PUM2: variants seen among roughly 807,000 people sequenced by gnomAD.
PUM2 encodes the protein pumilio homolog 2.
A neutral mutation model predicts 124.5 loss-of-function variants in PUM2; 57 were observed. The observed-to-expected ratio is 0.46, with a 90% confidence interval of 0.37 to 0.57. PUM2 has a LOEUF of 0.57. Ranked by LOEUF, PUM2 falls within the 20% of genes least tolerant of loss-of-function variation. PUM2 has a pLI of 0.00. For missense variants in PUM2, 1,065 were observed against 1,290.6 expected, an observed-to-expected ratio of 0.83 and a Z score of 2.68; for synonymous variants, 460 against 446.1, an observed-to-expected ratio of 1.03 and a Z score of -0.39.
chr2:20,333,365 C>T (rs774839019), intron 1 of PUM2, among the ~76,000 whole-genome samples: 1 of 151,908 alleles, frequency 6.6e-6, no homozygotes, highest in Admixed American at 6.6e-5. Context: ...GGAGACCTAG[C>T]TCTACAAAAA....
intron 1 of PUM2, among the ~76,000 whole-genome samples, chr2:20,339,093 G>C (rs536520998): frequency 6.2e-4 from 94 of 151,892 alleles, no homozygotes; most frequent in Non-Finnish European, 9.7e-4. Flanking sequence ...CCACATCTAA[G>C]CACTAAAAAA....
intron 16 of PUM2, among the ~76,000 whole-genome samples, chr2:20,256,773 C>T (rs143097621): frequency 2.6e-5 from 4 of 152,136 alleles, no homozygotes; most frequent in African/African-American, 9.6e-5. Context: ...TAGCCAGATG[C>T]GATGGCTCAC....
intron 13 of PUM2, among the ~76,000 whole-genome samples, chr2:20,276,120 A>C (rs1161928178): frequency 6.6e-6 from 1 of 152,092 alleles, no homozygotes; most frequent in African/African-American, 2.4e-5. Flanking sequence ...AATTTGAACA[A>C]GTGTTTTAGA....
intron 14 of PUM2, among the ~76,000 whole-genome samples, chr2:20,262,304 G>A (rs914546568): frequency 1.3e-5 from 2 of 152,130 alleles, no homozygotes; most frequent in Non-Finnish European, 2.9e-5. Context: ...CCCTACACAC[G>A]CATATGATTT....
chr2:20,346,199 CTGTTCA>C (rs2149142211), intron 1 of PUM2, among the ~76,000 whole-genome samples: 1 of 152,278 alleles, frequency 6.6e-6, no homozygotes, highest in African/African-American at 2.4e-5. Context: ...AAACATAATT[CTGTTCA>C]TGTTGAATTG....
intron 3 of PUM2, among the ~76,000 whole-genome samples, chr2:20,313,481 T>A (rs1680147603): frequency 6.6e-6 from 1 of 152,206 alleles, no homozygotes; most frequent in Non-Finnish European, 1.5e-5. Flanking sequence ...TTTTAAAAAG[T>A]TAACCTCCTT....
chr2:20,253,945 G>A lies in PUM2; in HGVS notation c.2940C>T (p.Cys980=). 6.2e-7 allele frequency: 1 copy of A among 1,614,100 alleles called. No individual in the cohort carries two copies. Residue 980 remains cysteine, a synonymous_variant, in exon 20 of 21, where the codon TGC becomes TGT. Coordinates refer to ENST00000361078, the MANE Select transcript of PUM2 (RefSeq NM_015317.5). ...CACTGTGAGGACCATCATTCTGGCA[G>A]CAAACCTCGTCAATCAGTAAAGCTC... The part of the protein sequence containing the change: ...AERALLIDEV[C]CQNDGPHSAL...
rs1558635086 is a variant in PUM2 at position 20,318,593 on chromosome 2, T to G, written c.104A>C (p.Gln35Pro). Residue 35 changes from glutamine to proline, a missense_variant, in exon 3 of 21, where the codon CAA (glutamine) becomes CCA (proline). Around this residue, in one of 3 missense-constraint regions of PUM2, gnomAD observed 90 missense variants for 103.6 expected, o/e 0.87. Transcript: ENST00000361078. ...ATCATCCCCAAGAAATATGCCTTTT[T>G]GTCCATCTTTTGTTGAATCATCAGG... ...WEPDDSTKDG[Q>P]KGIFLGDDEW... 6.2e-7 allele frequency: 1 copy of G among 1,613,750 alleles called. No individual in the cohort carries two copies. Among genetic ancestry groups the G allele is most frequent in the Admixed American group, 1.7e-5 (1 of 60,004 alleles).
chr2:20,286,124 A>G (rs1672665053), intron 10 of PUM2, among the ~76,000 whole-genome samples: 1 of 152,194 alleles, frequency 6.6e-6, no homozygotes, highest in African/African-American at 2.4e-5. Context: ...GGAAACCATT[A>G]GAGTTTTGAG....
chr2:20,297,600 G>A lies in PUM2; in HGVS notation c.962C>T (p.Thr321Ile). Residue 321 changes from threonine to isoleucine, a missense_variant, in exon 8 of 21, where the codon ACC becomes ATC. Transcript: ENST00000361078. Reference sequence around the variant, plus strand: ...CAATCCTGCTGCAGTATACGGATCGGTCCCTGGAGGAGCAGCACTAATAAT... The same window carrying A: ...CAATCCTGCTGCAGTATACGGATCGATCCCTGGAGGAGCAGCACTAATAAT... ...PYIISAAPPGTDPYTAAGLAA... is the reference protein window; with the variant it reads ...PYIISAAPPGIDPYTAAGLAA... The A allele has an allele frequency of 6.2e-7, 1 of 1,613,358 alleles. No individual in the cohort carries two copies. The highest frequency in any genetic ancestry group is 8.5e-7 in the Non-Finnish European group (1 of 1,179,354).
chr2:20,274,024 G>T (rs999731633), intron 13 of PUM2, among the ~76,000 whole-genome samples: 2 of 152,050 alleles, frequency 1.3e-5, no homozygotes, highest in African/African-American at 2.4e-5. Flanking sequence ...CTATAGAATA[G>T]CATAATGGAA....
chr2:20,273,877 G>A (rs1669580311), intron 13 of PUM2, among the ~76,000 whole-genome samples: 1 of 152,064 alleles, frequency 6.6e-6, no homozygotes, highest in African/African-American at 2.4e-5. Context: ...AACTGAGAAA[G>A]GAACCTAAAA....
intron 8 of PUM2, among the ~76,000 whole-genome samples, chr2:20,296,018 A>T (rs1336065104): frequency 6.6e-6 from 1 of 152,196 alleles, no homozygotes; most frequent in Non-Finnish European, 1.5e-5. Flanking sequence ...GGTTCTCTGT[A>T]TTATACCAAC....
chr2:20,334,041 T>C (rs1685477721), intron 1 of PUM2, among the ~76,000 whole-genome samples: 3 of 152,176 alleles, frequency 2.0e-5, no homozygotes, highest in African/African-American at 7.2e-5. Flanking sequence ...TAGAAGCCAC[T>C]ATGCTTTCTG....
At chr2:20,262,052 G>A (rs1409225383) in intron 14 of PUM2, among the ~76,000 whole-genome samples, 1 of 152,130 alleles carries the variant, frequency 6.6e-6, no homozygotes, top group African/African-American at 2.4e-5. Flanking sequence ...TGATGATCAT[G>A]CTACTGTATT....
chr2:20,308,451 T>C lies in PUM2; in HGVS notation c.652A>G (p.Asn218Asp), dbSNP rs1253531008. The C allele has an allele frequency of 2.5e-6, 4 of 1,614,044 alleles. No homozygotes were observed. The highest frequency in any genetic ancestry group is 2.2e-5 in the East Asian group (1 of 44,900). The change falls in exon 6 of 21, where the codon AAT becomes GAT. Residue 218 changes from asparagine (N) to aspartate (D), a missense_variant. Physicochemically the swap from Asn to Asp is conservative, Grantham distance 23. This residue lies in a region of PUM2 where 968 missense variants were observed against 1,159.8 expected (regional missense o/e 0.83). Transcript: ENST00000361078. ...GCATCCAGATTCTGAGTTTCAGGAT[T>C]TGAAAATTCTTCAACAAGTGGTTTA... ...ANKPLVEEFS[N>D]PETQNLDAME... is the part of the protein sequence containing the mutation.
intron 1 of PUM2, among the ~76,000 whole-genome samples, chr2:20,333,644 G>A (rs896961175): frequency 5.3e-5 from 8 of 152,170 alleles, no homozygotes; most frequent in African/African-American, 1.9e-4. Context: ...TAGGCATGAT[G>A]GTTCACGCCT....
At chr2:20,257,251 C>T (rs984412576) in intron 16 of PUM2, among the ~76,000 whole-genome samples, 1 of 152,020 alleles carries the variant, frequency 6.6e-6, no homozygotes, top group African/African-American at 2.4e-5. Context: ...TTGTGACACA[C>T]ATTAAAATTA....
chr2:20,289,394 TC>T (rs1323536926), intron 10 of PUM2, among the ~76,000 whole-genome samples: 3 of 152,052 alleles, frequency 2.0e-5, no homozygotes, highest in Non-Finnish European at 4.4e-5. Context: ...CCTCAAAAAC[TC>T]CCAGCTCACT....
Sources: gnomAD v4.1 joint callset for allele counts (sites outside exome capture counted in the v4.1 genomes callset) on GRCh38, gnomAD v4.1.1 for gene constraint, gnomAD v4.1.1 regional missense constraint, MANE v1.5 for transcripts, NCBI Gene and HGNC (gene_info 2026-07-23, HGNC 2026-07-21) for gene names.